The following FRMD4A variants were observed in gnomAD, a reference collection of about 807,000 sequenced individuals.
The protein encoded by FRMD4A is FERM domain-containing protein 4A.
Under a neutral mutation model 129.1 loss-of-function variants are expected in FRMD4A, and 29 were observed. That is an observed-to-expected ratio of 0.22 (90% confidence interval 0.17 to 0.31). The LOEUF (loss-of-function observed/expected upper bound fraction) is 0.31, where lower values mean the gene tolerates loss of function less well. Ranked by LOEUF, FRMD4A falls within the 10% of genes least tolerant of loss-of-function variation. FRMD4A has a pLI of 1.00. For synonymous variants in FRMD4A, 634 were observed against 571.6 expected, an observed-to-expected ratio of 1.11 and a Z score of -1.56; for missense variants, 1,272 against 1,375.8, an observed-to-expected ratio of 0.92 and a Z score of 1.19.
At chr10:13,805,239 G>C (rs914922866) in intron 4 of FRMD4A, among the ~76,000 whole-genome samples, 1 of 151,790 alleles carries the variant, frequency 6.6e-6, no homozygotes, top group Non-Finnish European at 1.5e-5. Flanking sequence ...CAATACTTGG[G>C]CTCAAGCAAG....
intron 12 of FRMD4A, among the ~76,000 whole-genome samples, chr10:13,717,650 C>A: frequency 7.7e-6 from 1 of 129,692 alleles, no homozygotes; most frequent in Non-Finnish European, 1.6e-5. Context: ...CAGGGTTTGA[C>A]TACTTTGGAG....
intron 2 of FRMD4A, among the ~76,000 whole-genome samples, chr10:14,281,773 G>C (rs1443296633): frequency 2.0e-5 from 3 of 152,176 alleles, no homozygotes; most frequent in Admixed American, 2.0e-4. Context: ...CAGTGCAACT[G>C]TCTGCCTTCT....
At chr10:13,692,785 G>C (rs1171131341) in intron 15 of FRMD4A, 1 of 152,196 alleles carries the variant, frequency 6.6e-6, no homozygotes, top group African/African-American at 2.4e-5. Context: ...AATTACCAGG[G>C]AAGATTTCTT....
intron 2 of FRMD4A, among the ~76,000 whole-genome samples, chr10:13,932,740 C>T (rs568242219): frequency 2.0e-5 from 3 of 152,186 alleles, no homozygotes; most frequent in South Asian, 2.1e-4. Context: ...TGTGATTACT[C>T]CAAAAAGTAA....
At position 14,163,995 on chromosome 10, in the gene FRMD4A, G is replaced by C. The variant is rs563518711; in HGVS notation, c.45+166063C>G. On this transcript the variant is annotated intron_variant, in intron 2 of 24. Transcript: ENST00000357447. The stretch of plus-strand genomic sequence containing the variant: ...CTACCCAGCGCCCTGTGATTCCCTA[G>C]ATGAGGCCAATGGCCCGTGTATTTT... Among the ~76,000 whole-genome samples the C allele has an allele frequency of 2.1e-3, 319 of 152,288 alleles. 2 individuals are homozygous for C. The highest frequency in any genetic ancestry group is 7.5e-3 in the African/African-American group (311 of 41,556).
intron 2 of FRMD4A, among the ~76,000 whole-genome samples, chr10:14,091,042 C>T (rs1836631946): frequency 1.3e-5 from 2 of 152,072 alleles, no homozygotes; most frequent in African/African-American, 4.8e-5. Context: ...CAGCATAGAC[C>T]AGCAAAACAT....
At chr10:13,967,967 C>G (rs767658117) in intron 2 of FRMD4A, among the ~76,000 whole-genome samples, 1 of 152,154 alleles carries the variant, frequency 6.6e-6, no homozygotes, top group African/African-American at 2.4e-5. Context: ...ATCCCCAGAG[C>G]CCAGGAGGTC....
At chr10:13,847,954 T>G (rs1324409090) in intron 3 of FRMD4A, among the ~76,000 whole-genome samples, 1 of 152,250 alleles carries the variant, frequency 6.6e-6, no homozygotes, top group African/African-American at 2.4e-5. Flanking sequence ...AGCCACAGAT[T>G]TGTTACCCCT....
intron 2 of FRMD4A, among the ~76,000 whole-genome samples, chr10:14,016,823 G>T (rs2095700673): frequency 4.6e-5 from 7 of 152,180 alleles, no homozygotes. Flanking sequence ...CAAGGATCTA[G>T]CCATAGAGAA....
intron 12 of FRMD4A, among the ~76,000 whole-genome samples, chr10:13,725,169 T>A (rs1010497946): frequency 1.3e-5 from 2 of 152,250 alleles, no homozygotes; most frequent in Non-Finnish European, 2.9e-5. Flanking sequence ...GGATTCCCGA[T>A]CATCTCATCA....
intron 2 of FRMD4A, among the ~76,000 whole-genome samples, chr10:14,206,405 T>C (rs1333721932): frequency 1.3e-5 from 2 of 152,222 alleles, no homozygotes; most frequent in Non-Finnish European, 2.9e-5. Flanking sequence ...AATTTCAATA[T>C]CTTCATCTAC....
At chr10:13,789,937 G>T (rs1384766660) in intron 5 of FRMD4A, among the ~76,000 whole-genome samples, 1 of 152,050 alleles carries the variant, frequency 6.6e-6, no homozygotes, top group African/African-American at 2.4e-5. Context: ...AGGATCAGAT[G>T]AGAATTCTAG....
chr10:14,144,705 G>A (rs73597256), intron 2 of FRMD4A, among the ~76,000 whole-genome samples: 8,632 of 152,134 alleles, frequency 0.057, 818 homozygotes, highest in African/African-American at 0.2. Flanking sequence ...TGGGATAGTC[G>A]TCCAGGAGCT....
At chr10:13,931,708 T>C (rs970939309) in intron 2 of FRMD4A, among the ~76,000 whole-genome samples, 2 of 146,772 alleles carry the variant, frequency 1.4e-5, no homozygotes, top group African/African-American at 5.1e-5. Context: ...GAGGCCACGG[T>C]GGGCAGATCA....
chr10:14,075,898 G>A (rs572005482), intron 2 of FRMD4A, among the ~76,000 whole-genome samples: 15 of 152,190 alleles, frequency 9.9e-5, no homozygotes, highest in African/African-American at 3.4e-4. Flanking sequence ...GAGATTGTGT[G>A]ATTGTGTCTG....
chr10:14,184,841 T>C (rs953192587), intron 2 of FRMD4A, among the ~76,000 whole-genome samples: 4 of 152,198 alleles, frequency 2.6e-5, no homozygotes, highest in African/African-American at 9.7e-5. Flanking sequence ...AAATGATAGA[T>C]ATCCTTACCA....
At chr10:13,727,180 A>G (rs1368501249) in intron 12 of FRMD4A, among the ~76,000 whole-genome samples, 1 of 152,012 alleles carries the variant, frequency 6.6e-6, no homozygotes, top group Non-Finnish European at 1.5e-5. Context: ...GGGATTACAC[A>G]TGTGAGCCAC....
chr10:13,945,590 C>T (rs906133136), intron 2 of FRMD4A, among the ~76,000 whole-genome samples: 6 of 152,052 alleles, frequency 3.9e-5, no homozygotes, highest in Non-Finnish European at 7.3e-5. Flanking sequence ...TCATGGGCAC[C>T]GCTGTCTGCA....
At position 14,069,596 on chromosome 10, in the gene FRMD4A, T is replaced by C. The variant is rs190092858; in HGVS notation, c.46-210684A>G. Among the ~76,000 whole-genome samples, 6 of 152,360 alleles carry C rather than the reference T, an allele frequency of 3.9e-5. No homozygotes were observed. The East Asian group carries it at 9.6e-4, about 24-fold the overall frequency. On this transcript the variant is annotated intron_variant, in intron 2 of 24. Transcript: ENST00000357447. ...CAATTTAAGGGGATTTCCACAAAGCTAAATTTAGTAAGCTTTAAAGACTAC... is the reference window on the plus strand; with the variant it reads ...CAATTTAAGGGGATTTCCACAAAGCCAAATTTAGTAAGCTTTAAAGACTAC...
Sources: allele counts gnomAD v4.1 joint callset (sites outside exome capture counted in the v4.1 genomes callset), GRCh38; gene constraint gnomAD v4.1.1; transcripts MANE v1.5; gene names NCBI Gene and HGNC (gene_info 2026-07-23, HGNC 2026-07-21).